CA8: variants seen among roughly 807,000 people sequenced by gnomAD.
CA8 encodes carbonic anhydrase 8 (inactive), also known as carbonic anhydrase-related protein.
CA8 carries 22 observed loss-of-function variants against 41.4 expected under a neutral mutation model. The observed-to-expected ratio is 0.53, with a 90% CI of 0.38 to 0.76. CA8 has a LOEUF of 0.76. Ranked by LOEUF, CA8 falls within the 30% of genes least tolerant of loss-of-function variation. The probability of loss-of-function intolerance (pLI) is 0.00; values close to 1 mark genes in which losing one functional copy is unlikely to be tolerated. For synonymous variants in CA8, 121 were observed against 130.6 expected (o/e 0.93, Z 0.50); for missense variants, 270 against 352.8 (o/e 0.77, Z 1.88).
intron 7 of CA8, among the ~76,000 whole-genome samples, chr8:60,211,492 A>T (rs1254445150): frequency 6.6e-6 from 1 of 152,218 alleles, no homozygotes; most frequent in Non-Finnish European, 1.5e-5. Context: ...GCCTCAACAT[A>T]TGAAAGAATC....
intron 7 of CA8, among the ~76,000 whole-genome samples, chr8:60,211,135 A>G (rs1049541723): frequency 1.3e-5 from 2 of 152,236 alleles, no homozygotes; most frequent in African/African-American, 2.4e-5. Flanking sequence ...ACATGTGTAT[A>G]ACAGACATAA....
At chr8:60,192,131 G>T (rs191589953) in intron 8 of CA8, among the ~76,000 whole-genome samples, 71 of 152,112 alleles carry the variant, frequency 4.7e-4, no homozygotes, top group Non-Finnish European at 1.2e-4. Flanking sequence ...ATATGATGAT[G>T]ATCTTATTAG....
intron 8 of CA8, among the ~76,000 whole-genome samples, chr8:60,190,957 T>TATATATATATATATACAC (rs1554573722): frequency 1.9e-4 from 20 of 104,242 alleles, no homozygotes; most frequent in African/African-American, 6.5e-4. Context: ...TATATATATA[T>TATATATATATATATACAC]ACACACACAC....
chr8:60,280,087 C>T (rs1202036555), intron 1 of CA8, among the ~76,000 whole-genome samples: 2 of 152,010 alleles, frequency 1.3e-5, no homozygotes, highest in Admixed American at 1.3e-4. Context: ...CACAAAATCC[C>T]GGACTAGCAA....
At chr8:60,200,906 G>T (rs375313898) in intron 8 of CA8, among the ~76,000 whole-genome samples, 1 of 152,006 alleles carries the variant, frequency 6.6e-6, no homozygotes, top group Admixed American at 6.6e-5. Flanking sequence ...ATTTAATCTT[G>T]TATTTATTAT....
intron 7 of CA8, among the ~76,000 whole-genome samples, chr8:60,215,200 G>A (rs11991009): frequency 0.37 from 55,801 of 151,902 alleles, 10,700 homozygotes; most frequent in Admixed American, 0.45. Context: ...GTAATGTTTT[G>A]GTATTTGTAT....
rs552804888 is a variant in CA8, at chr8:60,242,569, G to A, written c.418-10190C>T. Among the ~76,000 whole-genome samples the A allele has an allele frequency of 5.3e-5, 8 of 152,308 alleles. No homozygotes were observed. The South Asian group carries it at 8.3e-4, about 16-fold the overall frequency. On this transcript the variant is annotated intron_variant, in intron 3 of 8. Coordinates refer to ENST00000317995, the MANE Select transcript of CA8 (RefSeq NM_004056.6). ...TTATCCGCAAAGACAAGAAAAACTAGGGAAAGGAAGGGAGAATGTGTGACC... is the reference window on the plus strand; with the variant it reads ...TTATCCGCAAAGACAAGAAAAACTAAGGAAAGGAAGGGAGAATGTGTGACC...
intron 8 of CA8, among the ~76,000 whole-genome samples, chr8:60,194,993 A>G (rs948597673): frequency 4.6e-5 from 7 of 152,216 alleles, no homozygotes; most frequent in Non-Finnish European, 8.8e-5. Flanking sequence ...TCCTACAATA[A>G]CTACATTAGT....
At chr8:60,277,559 T>C (rs1311493202) in intron 2 of CA8, among the ~76,000 whole-genome samples, 1 of 152,152 alleles carries the variant, frequency 6.6e-6, no homozygotes, top group Non-Finnish European at 1.5e-5. Flanking sequence ...TTCACCATGT[T>C]GGTCAGGCTG....
chr8:60,266,768 C>T (rs1803913450), intron 2 of CA8, among the ~76,000 whole-genome samples: 1 of 152,196 alleles, frequency 6.6e-6, no homozygotes, highest in Admixed American at 6.5e-5. Flanking sequence ...GCATGAGAAC[C>T]TGTCTTAAAA....
chr8:60,190,045 G>A (rs1287493375), intron 8 of CA8, 60 bp from the exon 9 acceptor site: 1 of 149,306 alleles, frequency 6.7e-6, no homozygotes, highest in Non-Finnish European at 1.5e-5. Context: ...TTCCACAGCA[G>A]ACTGAAAAGT....
intron 2 of CA8, among the ~76,000 whole-genome samples, chr8:60,268,179 A>G (rs771589360): frequency 4.6e-5 from 7 of 152,226 alleles, no homozygotes; most frequent in Non-Finnish European, 7.3e-5. Context: ...TGTCCTAGAA[A>G]AGGCTCAGCT....
At position 60,266,028 on chromosome 8, in the gene CA8, G is replaced by A. The variant is rs1303739894; in HGVS notation, c.314C>T (p.Pro105Leu). ...GTACAGTTCAAATTCATGCCCTTGA[G>A]GCAATGGTCCTCCCGAAAGAACTGA... Reference protein sequence around the residue: ...SKSVLSGGPLPQGHEFELYEV... With the variant: ...SKSVLSGGPLLQGHEFELYEV... The change falls in exon 3 of 9, where the codon CCT becomes CTT. Residue 105 changes from proline (P) to leucine (L), a missense_variant. Transcript: ENST00000317995. The A allele has an allele frequency of 1.9e-6, 3 of 1,613,606 alleles. No homozygotes were observed. Among genetic ancestry groups the A allele is most frequent in the Non-Finnish European group, 8.5e-7 (1 of 1,179,624 alleles).
chr8:60,272,165 A>T (rs75623431), intron 2 of CA8, among the ~76,000 whole-genome samples: 3,624 of 152,168 alleles, frequency 0.024, 122 homozygotes, highest in African/African-American at 0.081. Context: ...TCTCCTCCAC[A>T]TCCCTGCTCC....
At chr8:60,239,786 G>A (rs559666873) in intron 3 of CA8, among the ~76,000 whole-genome samples, 18 of 152,272 alleles carry the variant, frequency 1.2e-4, no homozygotes, top group African/African-American at 2.9e-4. Context: ...TACTGTCCTC[G>A]TGGTAGTGAA....
intron 7 of CA8, among the ~76,000 whole-genome samples, chr8:60,213,193 T>G (rs762016719): frequency 2.0e-5 from 3 of 152,192 alleles, no homozygotes; most frequent in Non-Finnish European, 4.4e-5. Flanking sequence ...CTTTAATCGA[T>G]CTTTTCAATT....
chr8:60,281,204 G>A lies in CA8; in HGVS notation c.-57C>T. The stretch of plus-strand genomic sequence containing the variant: ...GCAGCAGTGCCTGCGCCTTCGCTGG[G>A]CGCGGGGCTGGAGCCGGAGCGGAGC... On this transcript the variant is annotated 5_prime_UTR_variant, in exon 1 of 9. Transcript: ENST00000317995. 8.0e-7 allele frequency: 1 copy of A among 1,248,838 alleles called. No individual in the cohort carries two copies. The highest frequency in any genetic ancestry group is 1.3e-5 in the South Asian group (1 of 78,112). The allele number at this position is 1,248,838 out of a possible 1,614,324, so 77.4% of individuals were successfully genotyped here.
At chr8:60,251,461 A>G (rs1315969948) in intron 3 of CA8, among the ~76,000 whole-genome samples, 1 of 152,252 alleles carries the variant, frequency 6.6e-6, no homozygotes, top group Middle Eastern at 3.2e-3. Context: ...TCACGCATTC[A>G]GCGTGACCAT....
rs1224461383 is a variant in CA8 at position 60,197,567 on chromosome 8, C to A, written c.*36-7582G>T. ...AGTTATCAGTTAACGTTTTCAAGGTCACACAACTAATTACTGGTGGAATCT... is the reference window on the plus strand; with the variant it reads ...AGTTATCAGTTAACGTTTTCAAGGTAACACAACTAATTACTGGTGGAATCT... On this transcript the variant is annotated intron_variant, in intron 8 of 8. Coordinates refer to ENST00000317995, the MANE Select transcript of CA8 (RefSeq NM_004056.6). Among the ~76,000 whole-genome samples the A allele has an allele frequency of 2.0e-5, 3 of 152,148 alleles. No homozygotes were observed. In the East Asian group the frequency reaches 5.8e-4, roughly 29 times the overall value.
Sources: allele counts gnomAD v4.1 joint callset (sites outside exome capture counted in the v4.1 genomes callset), GRCh38; gene constraint gnomAD v4.1.1; transcripts MANE v1.5; gene names NCBI Gene and HGNC (gene_info 2026-07-23, HGNC 2026-07-21).